PDE8B: variants seen among roughly 807,000 people sequenced by gnomAD.
The protein encoded by PDE8B is phosphodiesterase 8B, also known as high affinity cAMP-specific and IBMX-insensitive 3',5'-cyclic phosphodiesterase 8B.
In PDE8B, 26 loss-of-function variants were observed where a neutral mutation model predicts 101.3. The observed-to-expected ratio is 0.26, with a 90% CI of 0.19 to 0.36. The LOEUF is 0.36. Ranked by LOEUF, PDE8B falls within the 10% of genes least tolerant of loss-of-function variation. The pLI, the probability that PDE8B is intolerant of heterozygous loss-of-function variation, is 1.00. For missense variants in PDE8B, 810 were observed against 1,163.1 expected (o/e 0.70, Z 4.42); for synonymous variants, 424 against 429.3 (o/e 0.99, Z 0.15).
intron 10 of PDE8B, among the ~76,000 whole-genome samples, chr5:77,354,027 A>G (rs929223589): frequency 5.3e-5 from 8 of 152,256 alleles, no homozygotes; most frequent in South Asian, 2.1e-4. Context: ...ATTATACAAC[A>G]AACATAATTA....
chr5:77,227,464 G>A (rs778968402), intron 1 of PDE8B, among the ~76,000 whole-genome samples: 20 of 152,088 alleles, frequency 1.3e-4, no homozygotes, highest in Non-Finnish European at 2.2e-4. Flanking sequence ...TGAAGTTTGG[G>A]TGGGGCAGGA....
At chr5:77,418,169 A>G (rs1795955806) in intron 17 of PDE8B, 60 bp from the exon 18 acceptor site, 1 of 1,084,048 alleles carries the variant, frequency 9.2e-7, no homozygotes, top group Non-Finnish European at 1.4e-6. Context: ...ACAGACAAGG[A>G]TGGATGTGGG....
rs1406449783 is a variant in PDE8B at position 77,211,309 on chromosome 5, G to T, written c.339+45G>T. ...ACACGCCGTGGGGGCCGTCCGCCCC[G>T]TCGGCGGGGCTCGCACGGGTAGGGG... On this transcript the variant is annotated intron_variant, in intron 1 of 21. Coordinates refer to ENST00000264917, the MANE Select transcript of PDE8B (RefSeq NM_003719.5). This position sits in a 1 kb window ranked among gnomAD's most constrained non-coding sequence, Gnocchi z 4.1. 1 of 1,509,836 alleles carries T rather than the reference G, an allele frequency of 6.6e-7. No individual in the cohort carries two copies. Among genetic ancestry groups the T allele is most frequent in the Admixed American group, 2.0e-5 (1 of 48,994 alleles). 93.5% of individuals were successfully genotyped at this position (1,509,836 alleles called of 1,614,324 possible).
intron 1 of PDE8B, among the ~76,000 whole-genome samples, chr5:77,262,019 A>G (rs190255818): frequency 6.7e-4 from 102 of 152,314 alleles, no homozygotes; most frequent in African/African-American, 2.3e-3. Context: ...ATTTTTGTAC[A>G]TAATTTTTTT....
At chr5:77,109,927 G>GTTTTTTTTT in the PDE8B span, among the ~76,000 whole-genome samples, 19 of 67,264 alleles carry the variant, frequency 2.8e-4, no homozygotes, top group African/African-American at 4.0e-4. Context: ...TTGTATTTCA[G>GTTTTTTTTT]TTTTTTTTTT....
At chr5:77,169,736 A>AC in the PDE8B span, among the ~76,000 whole-genome samples, 1 of 151,962 alleles carries the variant, frequency 6.6e-6, no homozygotes. Flanking sequence ...CAACGAAGCT[A>AC]CCTCCAGTTT....
In PDE8B at chr5:77,419,804, A is replaced by G; in HGVS notation, c.2167A>G (p.Met723Val). ...AACGCTGCGCCAGGCTATTATTGAC[A>G]TGGTTTTGGCAACAGAGATGACAAA... The part of the protein sequence containing the change: ...YRTLRQAIID[M>V]VLATEMTKHF... The change falls in exon 19 of 22, where the codon ATG (methionine) becomes GTG (valine). Residue 723 changes from methionine to valine, a missense_variant. By Grantham distance (21) the Met-to-Val change is conservative (BLOSUM62 1). This residue lies in a region of PDE8B where 325 missense variants were observed against 560.9 expected (regional missense o/e 0.58). Coordinates refer to ENST00000264917, the MANE Select transcript of PDE8B (RefSeq NM_003719.5). 6.2e-7 allele frequency: 1 copy of G among 1,614,144 alleles called. No homozygotes were observed. Among genetic ancestry groups the G allele is most frequent in the Non-Finnish European group, 8.5e-7 (1 of 1,179,976 alleles).
rs59393259 is a variant in PDE8B, at chr5:77,386,865, C to CTTTTTTTTTT, written c.1168-13363_1168-13354dup. 2.3e-3 allele frequency among the ~76,000 whole-genome samples: 116 copies of CTTTTTTTTTT among 51,086 alleles called. 19 individuals are homozygous for CTTTTTTTTTT. The highest frequency in any genetic ancestry group is 3.2e-3 in the East Asian group (4 of 1,260). 33.5% of individuals were successfully genotyped at this position (51,086 alleles called of 152,430 possible). A position where few individuals can be genotyped will look rare whatever the true frequency, so the allele number is the denominator to read the frequency against. On this transcript the variant is annotated intron_variant, in intron 10 of 21. Transcript: ENST00000264917. ...TTTTGCCTGTTAGTTGATGTAGTTT[C>CTTTTTTTTTT]TTTTTTTTTTTTTTTTTTTTTTTTT...
intron 10 of PDE8B, among the ~76,000 whole-genome samples, chr5:77,396,168 G>T (rs1022845011): frequency 6.6e-6 from 1 of 152,248 alleles, no homozygotes; most frequent in African/African-American, 2.4e-5. Flanking sequence ...TCTACAAAAG[G>T]GAACAATTCC....
intron 10 of PDE8B, among the ~76,000 whole-genome samples, chr5:77,392,969 G>GAAC (rs1280259003): frequency 2.0e-5 from 3 of 152,126 alleles, no homozygotes; most frequent in South Asian, 2.1e-4. Context: ...TCGTATGCCA[G>GAAC]AACAACAACA....
intron 1 of PDE8B, among the ~76,000 whole-genome samples, chr5:77,301,079 C>T (rs945514024): frequency 6.6e-6 from 1 of 152,204 alleles, no homozygotes; most frequent in East Asian, 1.9e-4. Context: ...TTCATCCCAG[C>T]ATGAGTGGTC....
chr5:77,349,679 T>G (rs1403180136), intron 8 of PDE8B, 120 bp downstream of exon 8: 1 of 1,159,946 alleles, frequency 8.6e-7, no homozygotes, highest in Non-Finnish European at 1.3e-6. Context: ...AAGTGAAAGA[T>G]CTATTATGTT....
At chr5:77,264,728 A>G (rs1761334329) in intron 1 of PDE8B, among the ~76,000 whole-genome samples, 1 of 152,168 alleles carries the variant, frequency 6.6e-6, no homozygotes, top group Non-Finnish European at 1.5e-5. Context: ...GATCAAGCAC[A>G]TATTTATCTG....
At chr5:77,129,006 A>G in the PDE8B span, among the ~76,000 whole-genome samples, 30 of 152,148 alleles carry the variant, frequency 2.0e-4, no homozygotes, top group African/African-American at 7.0e-4. Flanking sequence ...TCATTCATCA[A>G]CCTAGGTTTG....
chr5:77,293,856 G>T (rs1767922618), intron 1 of PDE8B, among the ~76,000 whole-genome samples: 2 of 152,114 alleles, frequency 1.3e-5, no homozygotes, highest in Admixed American at 1.3e-4. Context: ...CTTTGGTGAG[G>T]TGTCTGTTCA....
chr5:77,362,118 G>A (rs1783210793), intron 10 of PDE8B, among the ~76,000 whole-genome samples: 1 of 152,170 alleles, frequency 6.6e-6, no homozygotes, highest in South Asian at 2.1e-4. Flanking sequence ...ACTCAACTCT[G>A]CCATTGTAAT....
At chr5:77,238,470 C>G (rs909740726) in intron 1 of PDE8B, among the ~76,000 whole-genome samples, 1 of 152,124 alleles carries the variant, frequency 6.6e-6, no homozygotes, top group African/African-American at 2.4e-5. Flanking sequence ...CCAGTTGGTT[C>G]AAGTGTTAAC....
chr5:77,142,717 C>A, the PDE8B span, among the ~76,000 whole-genome samples: 15 of 151,976 alleles, frequency 9.9e-5, no homozygotes, highest in Admixed American at 9.8e-4. Flanking sequence ...GAAGAATAAG[C>A]ACACTTATTA....
chr5:77,188,881 G>A, the PDE8B span, among the ~76,000 whole-genome samples: 1 of 152,206 alleles, frequency 6.6e-6, no homozygotes, highest in African/African-American at 2.4e-5. Context: ...TGATGAGTAA[G>A]TCTGAGGGTA....
Sources: allele counts gnomAD v4.1 joint callset (sites outside exome capture counted in the v4.1 genomes callset), GRCh38; gene constraint gnomAD v4.1.1; regional missense constraint gnomAD v4.1.1; non-coding constraint Gnocchi (gnomAD v3.1); transcripts MANE v1.5; gene names NCBI Gene and HGNC (gene_info 2026-07-23, HGNC 2026-07-21).